Variants in LAMA2 observed in about 807,000 individuals in gnomAD.
LAMA2 encodes the protein laminin subunit alpha 2.
LAMA2 carries 269 observed loss-of-function variants against 364.8 expected under a neutral mutation model. The ratio of observed to expected loss-of-function variants is 0.74; its 90% CI spans 0.67 to 0.82. LAMA2 has a LOEUF of 0.82. LAMA2 is among the 40% of genes least tolerant of loss of function. LAMA2 has a pLI of 0.00. For missense variants in LAMA2, 3,807 were observed against 3,873.2 expected, an observed-to-expected ratio of 0.98 and a Z score of 0.45; for synonymous variants, 1,379 against 1,370.6, an observed-to-expected ratio of 1.01 and a Z score of -0.14.
chr6:129,501,614 T>C (rs1188438908), intron 58 of LAMA2, among the ~76,000 whole-genome samples: 1 of 152,162 alleles, frequency 6.6e-6, no homozygotes, highest in Non-Finnish European at 1.5e-5. Flanking sequence ...TTGGGCTGCT[T>C]GAGAACCTCT....
intron 12 of LAMA2, among the ~76,000 whole-genome samples, chr6:129,222,230 T>C: frequency 6.6e-6 from 1 of 152,130 alleles, no homozygotes; most frequent in Non-Finnish European, 1.5e-5. Flanking sequence ...ATTAGACCAA[T>C]GATGATAGTA....
In LAMA2 at chr6:128,883,372, TG is replaced by T. The variant is rs1292873909; in HGVS notation, c.112+18del. 1.9e-6 allele frequency: 3 copies of T among 1,577,724 alleles called. No individual in the cohort carries two copies. Among genetic ancestry groups the T allele is most frequent in the Non-Finnish European group, 2.6e-6 (3 of 1,161,830 alleles). On this transcript the variant is annotated intron_variant, in intron 1 of 64. Transcript: ENST00000421865. ...TCAGCAAAGAGGTACAGTCGAGGCA[TG>T]GGCTTGGGTTGCATCCTTTGCCGGG...
At chr6:129,447,179 G>A (rs1194927105) in intron 45 of LAMA2, among the ~76,000 whole-genome samples, 1 of 152,168 alleles carries the variant, frequency 6.6e-6, no homozygotes, top group Non-Finnish European at 1.5e-5. Flanking sequence ...CACTCACAAA[G>A]TTTATAAAAT....
intron 1 of LAMA2, among the ~76,000 whole-genome samples, chr6:128,900,875 G>C (rs1777044804): frequency 1.3e-5 from 2 of 152,184 alleles, no homozygotes; most frequent in African/African-American, 4.8e-5. Context: ...CTCCTGTCTA[G>C]GCATGGTGGC....
At chr6:129,296,923 C>T (rs1773220475) in intron 20 of LAMA2, among the ~76,000 whole-genome samples, 1 of 152,208 alleles carries the variant, frequency 6.6e-6, no homozygotes, top group Admixed American at 6.5e-5. Context: ...TCAAGAAAGT[C>T]AGCCGAAGCT....
chr6:129,402,608 C>CTATATG lies in LAMA2; in HGVS notation c.5726+122_5726+127dup. The CTATATG allele has an allele frequency of 9.2e-6, 9 of 982,290 alleles. No homozygotes were observed. In the Admixed American group the frequency reaches 1.8e-4, roughly 20 times the overall value. The allele number at this position is 982,290 out of a possible 1,614,324, so 60.8% of individuals were successfully genotyped here. A position where few individuals can be genotyped will look rare whatever the true frequency, so the allele number is the denominator to read the frequency against. On this transcript the variant is annotated intron_variant, in intron 39 of 64. Coordinates refer to ENST00000421865, the MANE Select transcript of LAMA2 (RefSeq NM_000426.4). ...TTTCTGTTAATTATGAACACACTAG[C>CTATATG]TATATGGCCTTTCTGTGGATAGGCT...
chr6:129,188,762 G>T (rs905190888), intron 10 of LAMA2, among the ~76,000 whole-genome samples: 13 of 152,038 alleles, frequency 8.6e-5, no homozygotes, highest in Middle Eastern at 3.4e-3. Context: ...TAGAAATTCA[G>T]TATCAAAAAG....
At chr6:129,293,018 C>T (rs899898268) in intron 20 of LAMA2, 13 of 985,792 alleles carry the variant, frequency 1.3e-5, no homozygotes, top group Non-Finnish European at 1.6e-5. Flanking sequence ...GGTGGGCTAT[C>T]GGCAGCTCCA....
At chr6:129,265,785 A>G (rs915199120) in intron 15 of LAMA2, among the ~76,000 whole-genome samples, 3 of 152,098 alleles carry the variant, frequency 2.0e-5, no homozygotes, top group Non-Finnish European at 4.4e-5. Context: ...TGATGGGTTC[A>G]GGAAACCACC....
chr6:129,332,526 A>C (rs989180329), intron 29 of LAMA2, among the ~76,000 whole-genome samples: 2 of 152,152 alleles, frequency 1.3e-5, no homozygotes, highest in African/African-American at 4.8e-5. Flanking sequence ...TTTTAATTAC[A>C]ATCAAAATTA....
In LAMA2 at chr6:129,427,848, G is replaced by T. The variant is rs768579735; in HGVS notation, c.5962G>T (p.Val1988Leu). 1 of 1,605,750 alleles carries T rather than the reference G, an allele frequency of 6.2e-7. No individual in the cohort carries two copies. The highest frequency in any genetic ancestry group is 8.5e-7 in the Non-Finnish European group (1 of 1,172,654). Residue 1988 changes from valine to leucine, a missense_variant, in exon 41 of 65, where the codon GTA becomes TTA. Transcript: ENST00000421865. Reference sequence around the variant, plus strand: ...CGAAGCCAAGAAGTTAGCAAATGATGTAAAAGGTCAGTGTGGCCATAGTTT... The same window carrying T: ...CGAAGCCAAGAAGTTAGCAAATGATTTAAAAGGTCAGTGTGGCCATAGTTT... ...LNEAKKLAND[V>L]KENEDHLNGL...
At chr6:129,478,076 G>A (rs979582789) in intron 53 of LAMA2, among the ~76,000 whole-genome samples, 3 of 152,202 alleles carry the variant, frequency 2.0e-5, no homozygotes, top group Non-Finnish European at 4.4e-5. Flanking sequence ...TTACAGGAAT[G>A]AGCCACTACA....
chr6:129,035,329 A>C (rs74838679), intron 1 of LAMA2, among the ~76,000 whole-genome samples: 565 of 130,814 alleles, frequency 4.3e-3, no homozygotes, highest in African/African-American at 0.015. Flanking sequence ...AGTGTCTGTT[A>C]ATTTCCTTTG....
At chr6:129,149,154 A>G in intron 7 of LAMA2, 58 bp downstream of exon 7, 1 of 1,100,538 alleles carries the variant, frequency 9.1e-7, no homozygotes, top group Non-Finnish European at 1.4e-6. Flanking sequence ...AAAAAAAGCC[A>G]GTAATGAAAA....
intron 12 of LAMA2, among the ~76,000 whole-genome samples, chr6:129,197,043 A>G (rs1562320615): frequency 1.3e-5 from 2 of 152,134 alleles, no homozygotes; most frequent in Non-Finnish European, 2.9e-5. Context: ...TAAAACAGAG[A>G]TTTTAAAACT....
intron 4 of LAMA2, among the ~76,000 whole-genome samples, chr6:129,124,720 AC>A (rs1268963077): frequency 6.6e-6 from 1 of 152,228 alleles, no homozygotes; most frequent in African/African-American, 2.4e-5. Flanking sequence ...AATTTTAAAT[AC>A]CATATATTTA....
At chr6:128,961,363 A>ATATC (rs1562873177) in intron 1 of LAMA2, among the ~76,000 whole-genome samples, 1 of 92,580 alleles carries the variant, frequency 1.1e-5, no homozygotes, top group Non-Finnish European at 2.1e-5. Context: ...ATATATATAT[A>ATATC]TATATTAGTT....
At chr6:129,300,933 C>G in intron 22 of LAMA2, 61 bp downstream of exon 22, 1 of 1,459,202 alleles carries the variant, frequency 6.9e-7, no homozygotes, top group Non-Finnish European at 9.6e-7. Context: ...TTGTAGAGCT[C>G]TGTAATTGGG....
At chr6:128,890,892 T>A (rs540674455) in intron 1 of LAMA2, among the ~76,000 whole-genome samples, 1 of 152,192 alleles carries the variant, frequency 6.6e-6, no homozygotes, top group African/African-American at 2.4e-5. Context: ...AATCTCAAAA[T>A]TCCTTCTGAA....
Sources: allele counts gnomAD v4.1 joint callset (sites outside exome capture counted in the v4.1 genomes callset), GRCh38; gene constraint gnomAD v4.1.1; transcripts MANE v1.5; gene names NCBI Gene and HGNC (gene_info 2026-07-23, HGNC 2026-07-21).